GGA2: variants seen among roughly 807,000 people sequenced by gnomAD.
GGA2 encodes golgi associated, gamma adaptin ear containing, ARF binding protein 2, also known as ADP-ribosylation factor-binding protein GGA2.
A neutral mutation model predicts 79.5 loss-of-function variants in GGA2; 48 were observed. The ratio of observed to expected loss-of-function variants is 0.60; its 90% confidence interval spans 0.48 to 0.77. GGA2 has a LOEUF of 0.77. Among genes scored for constraint, GGA2 ranks in the 30% least tolerant of loss-of-function variants. GGA2 has a pLI of 0.00. For synonymous variants in GGA2, 317 were observed against 302.0 expected, an observed-to-expected ratio of 1.05 and a Z score of -0.51; for missense variants, 770 against 774.0, an observed-to-expected ratio of 0.99 and a Z score of 0.06.
upstream of GGA2, among the ~76,000 whole-genome samples, chr16:23,512,964 CAA>C (rs2142149979): frequency 6.6e-6 from 1 of 152,202 alleles, no homozygotes; most frequent in Admixed American, 6.5e-5. Flanking sequence ...CTCGGCCTCC[CAA>C]AGTGTCGGAA....
At chr16:23,518,322 C>A (rs537284809) in intron 2 of GGA2, among the ~76,000 whole-genome samples, 37 of 152,332 alleles carry the variant, frequency 2.4e-4, no homozygotes, top group Middle Eastern at 3.4e-3. Flanking sequence ...TATCCTCCCA[C>A]CTCAGCCTCT....
chr16:23,485,605 C>G (rs953108345), intron 8 of GGA2, among the ~76,000 whole-genome samples: 4 of 152,198 alleles, frequency 2.6e-5, no homozygotes, highest in African/African-American at 9.7e-5. Flanking sequence ...TCACCCAAAG[C>G]TGGAAACAAC....
At chr16:23,524,208 G>A, upstream of GGA2, 2 of 687,854 alleles carry the variant, frequency 2.9e-6, no homozygotes, top group Non-Finnish European at 5.2e-6. Context: ...AAACGTGCCT[G>A]TGGTGGATCA....
intron 4 of GGA2, among the ~76,000 whole-genome samples, chr16:23,492,449 A>G (rs1281829773): frequency 6.6e-6 from 1 of 152,212 alleles, no homozygotes; most frequent in Non-Finnish European, 1.5e-5. Flanking sequence ...TGCTAGTTCA[A>G]GCCAGCAATG....
chr16:23,467,748 G>A (rs1477153031), intron 16 of GGA2, 48 bp from the exon 17 acceptor site: 1 of 885,006 alleles, frequency 1.1e-6, no homozygotes, highest in African/African-American at 1.6e-5. Context: ...GAGCAACCCA[G>A]GAACAGGGGT....
chr16:23,518,864 A>C (rs1965118444), intron 2 of GGA2, among the ~76,000 whole-genome samples: 1 of 152,200 alleles, frequency 6.6e-6, no homozygotes, highest in Non-Finnish European at 1.5e-5. Context: ...GTTATACAAA[A>C]AGACAGACTT....
chr16:23,510,560 C>CA (rs397727429), upstream of GGA2: 130 of 389,394 alleles, frequency 3.3e-4, no homozygotes, highest in Middle Eastern at 6.5e-4. Context: ...CAGGCCCCCC[C>CA]TCCACGCGGG....
chr16:23,506,867 G>C (rs1964979241), intron 1 of GGA2, among the ~76,000 whole-genome samples: 1 of 137,678 alleles, frequency 7.3e-6, no homozygotes, highest in South Asian at 2.4e-4. Context: ...AAAACAAAAG[G>C]TGTCCTTCCT....
chr16:23,478,254 T>G, intron 13 of GGA2, 114 bp downstream of exon 13: 1 of 650,496 alleles, frequency 1.5e-6, no homozygotes, highest in Non-Finnish European at 2.4e-6. Context: ...GAAAGAAAGA[T>G]GTTTCTCCAG....
Position 23,468,891 on chromosome 16 carries a change from G to A in GGA2, c.1726C>T (p.His576Tyr), listed in dbSNP as rs146396049. ...CCACAGACACTGGAACATACTTTGT[G>A]TGGATTGTCAAGCAGCAGCATCTGA... ...ISQMLLLDNP[H>Y]KEPIRLRYKL... Residue 576 changes from histidine (H) to tyrosine (Y), a missense_variant, in exon 16 of 17, where the codon CAC (histidine) becomes TAC (tyrosine). Transcript: ENST00000309859. The A allele has an allele frequency of 9.4e-6, 15 of 1,588,312 alleles. No homozygotes were observed. The highest frequency in any genetic ancestry group is 1.3e-5 in the African/African-American group (1 of 74,464).
intron 1 of GGA2, among the ~76,000 whole-genome samples, chr16:23,507,259 G>A (rs190037636): frequency 6.6e-6 from 1 of 152,242 alleles, no homozygotes. Context: ...TGAAAAACAG[G>A]AAGATCTAGC....
At position 23,463,629 on chromosome 16, in the gene GGA2, A is replaced by T. The variant is rs1964400262; in HGVS notation, c.*3961T>A. ...TTATCTATAATTCCCTGACCCAAAG[A>T]TTACCACTGTCAGATGTGCACACAA... On this transcript the variant is annotated 3_prime_UTR_variant, in exon 17 of 17. Coordinates refer to ENST00000309859, the MANE Select transcript of GGA2 (RefSeq NM_015044.4). The T allele has an allele frequency of 6.6e-6, 1 of 152,232 alleles. No homozygotes were observed. Among genetic ancestry groups the T allele is most frequent in the Non-Finnish European group, 1.5e-5 (1 of 68,044 alleles). 9.4% of individuals were successfully genotyped at this position (152,232 alleles called of 1,614,324 possible). A position where few individuals can be genotyped will look rare whatever the true frequency, so the allele number is the denominator to read the frequency against.
At chr16:23,521,831 A>G in exon 1 of GGA2, 1 of 455,834 alleles carries the variant, frequency 2.2e-6, no homozygotes, top group South Asian at 1.5e-5. Context: ...ACCATTCTTA[A>G]TGTCTTAGAA....
Position 23,510,494 on chromosome 16 carries a change from C to G in GGA2, c.-83G>C. The G allele has an allele frequency of 2.0e-6, 1 of 502,956 alleles. No homozygotes were observed. The allele number at this position is 502,956 out of a possible 1,614,324, so 31.2% of individuals were successfully genotyped here. ...TCCTGGCGCTCTCCTCTGCTGACTGCGCGGCAGGAGCGGTGGACACGTGAC... is the reference window on the plus strand; with the variant it reads ...TCCTGGCGCTCTCCTCTGCTGACTGGGCGGCAGGAGCGGTGGACACGTGAC... On this transcript the variant is annotated 5_prime_UTR_variant, in exon 1 of 17. Coordinates refer to ENST00000309859, the MANE Select transcript of GGA2 (RefSeq NM_015044.4).
At chr16:23,515,312 A>C (rs573521171), upstream of GGA2, among the ~76,000 whole-genome samples, 9 of 151,858 alleles carry the variant, frequency 5.9e-5, no homozygotes, top group South Asian at 2.1e-4. Flanking sequence ...AAAAATATTA[A>C]AAGGCCAGGC....
intron 8 of GGA2, among the ~76,000 whole-genome samples, chr16:23,484,831 T>C (rs918785922): frequency 6.6e-6 from 1 of 152,216 alleles, no homozygotes; most frequent in Non-Finnish European, 1.5e-5. Context: ...AATATGGAGT[T>C]ACCCCAAGAT....
intron 2 of GGA2, among the ~76,000 whole-genome samples, chr16:23,518,619 T>G (rs1003803778): frequency 1.6e-4 from 25 of 152,156 alleles, no homozygotes; most frequent in African/African-American, 5.6e-4. Context: ...CTGGATTCAA[T>G]GCAAATTACA....
chr16:23,523,162 T>C (rs1024780924), upstream of GGA2: 5 of 152,294 alleles, frequency 3.3e-5, no homozygotes, highest in African/African-American at 4.8e-5. Context: ...AAGGCAGGGA[T>C]GGTTGGGGGC....
At chr16:23,493,252 G>A in intron 4 of GGA2, 108 bp downstream of exon 4, 1 of 718,062 alleles carries the variant, frequency 1.4e-6, no homozygotes, top group Non-Finnish European at 2.6e-6. Flanking sequence ...ACAGGCAGGA[G>A]CAGGTTTTGT....
Sources: allele counts gnomAD v4.1 joint callset (sites outside exome capture counted in the v4.1 genomes callset), GRCh38; gene constraint gnomAD v4.1.1; transcripts MANE v1.5; gene names NCBI Gene and HGNC (gene_info 2026-07-23, HGNC 2026-07-21).